USP32: variants seen among roughly 807,000 people sequenced by gnomAD.
USP32 encodes the protein ubiquitin carboxyl-terminal hydrolase 32.
A neutral mutation model predicts 204.8 loss-of-function variants in USP32; 59 were observed. The observed-to-expected ratio is 0.29, with a 90% CI of 0.23 to 0.36. The LOEUF (loss-of-function observed/expected upper bound fraction) is 0.36, where lower values mean the gene tolerates loss of function less well. USP32 is among the 10% of genes least tolerant of loss of function. The probability of loss-of-function intolerance (pLI) is 1.00; values close to 1 mark genes in which losing one functional copy is unlikely to be tolerated. For missense variants in USP32, 1,160 were observed against 1,946.4 expected, an observed-to-expected ratio of 0.60 and a Z score of 7.60; for synonymous variants, 517 against 678.4, an observed-to-expected ratio of 0.76 and a Z score of 3.70.
chr17:60,351,550 C>T (rs890316812), intron 1 of USP32, among the ~76,000 whole-genome samples: 1 of 152,108 alleles, frequency 6.6e-6, no homozygotes, highest in African/African-American at 2.4e-5. Flanking sequence ...TGCCCAGCCT[C>T]CCAAGTAGCT....
Position 60,399,107 on chromosome 17 carries a change from A to G in USP32, c.106+23139T>C, listed in dbSNP as rs369768456. On this transcript the variant is annotated intron_variant, in intron 1 of 3. Coordinates refer to the USP32 transcript ENST00000588898. Reference sequence around the variant, plus strand: ...GGGAAGAGGGCAGGAAGCCTAGGGAATGTGAATCTCGAAAGATAAATAAGA... The same window carrying G: ...GGGAAGAGGGCAGGAAGCCTAGGGAGTGTGAATCTCGAAAGATAAATAAGA... Among the ~76,000 whole-genome samples the G allele has an allele frequency of 9.5e-4, 144 of 152,286 alleles. 1 individual carries two copies. Among genetic ancestry groups the G allele is most frequent in the African/African-American group, 3.2e-3 (135 of 41,570 alleles).
chr17:60,385,778 G>A (rs1487946096), intron 1 of USP32, among the ~76,000 whole-genome samples: 1 of 151,234 alleles, frequency 6.6e-6, no homozygotes, highest in Admixed American at 6.6e-5. Context: ...GGAGGCAGAG[G>A]TTGCAGTGAG....
chr17:60,353,017 T>A (rs1376623677), intron 1 of USP32, among the ~76,000 whole-genome samples: 1 of 152,236 alleles, frequency 6.6e-6, no homozygotes, highest in Non-Finnish European at 1.5e-5. Flanking sequence ...TATATTACAT[T>A]GTATTTACAT....
chr17:60,404,665 C>T (rs539917155), intron 1 of USP32, among the ~76,000 whole-genome samples: 2 of 152,270 alleles, frequency 1.3e-5, no homozygotes, highest in African/African-American at 4.8e-5. Context: ...AAGAGTGCAC[C>T]TCAGCCTCCT....
intron 1 of USP32, among the ~76,000 whole-genome samples, chr17:60,419,820 T>A (rs929963230): frequency 1.9e-3 from 14 of 7,420 alleles, no homozygotes; most frequent in Admixed American, 7.9e-3. Flanking sequence ...TAAAAAAAAT[T>A]ATTATTATTA....
At chr17:60,238,251 CTTTTTG>C (rs2085785293) in intron 11 of USP32, among the ~76,000 whole-genome samples, 1 of 152,078 alleles carries the variant, frequency 6.6e-6, no homozygotes, top group Non-Finnish European at 1.5e-5. Context: ...GGGTTGTTTG[CTTTTTG>C]TTGTTAAGCT....
chr17:60,191,804 T>C (rs1420367696), intron 28 of USP32, among the ~76,000 whole-genome samples: 2 of 151,756 alleles, frequency 1.3e-5, no homozygotes, highest in Non-Finnish European at 2.9e-5. Context: ...CCACCACGCC[T>C]GGCCAATGCC....
upstream of USP32, among the ~76,000 whole-genome samples, chr17:60,395,347 A>G (rs1360284672): frequency 6.6e-6 from 1 of 152,188 alleles, no homozygotes; most frequent in African/African-American, 2.4e-5. Context: ...AAGAAATACT[A>G]TTTCTCCTTT....
At chr17:60,261,742 AC>A (rs2086458963) in intron 9 of USP32, among the ~76,000 whole-genome samples, 1 of 152,196 alleles carries the variant, frequency 6.6e-6, no homozygotes, top group African/African-American at 2.4e-5. Flanking sequence ...TGGTATAAGA[AC>A]CTTTTATATC....
chr17:60,237,683 A>G (rs962902078), intron 11 of USP32, among the ~76,000 whole-genome samples: 14 of 152,316 alleles, frequency 9.2e-5, no homozygotes, highest in Middle Eastern at 3.4e-3. Context: ...GGATGATTCA[A>G]CATATGACCT....
At chr17:60,383,402 A>C (rs904205385) in intron 1 of USP32, among the ~76,000 whole-genome samples, 2 of 152,140 alleles carry the variant, frequency 1.3e-5, no homozygotes, top group Admixed American at 1.3e-4. Context: ...TTATTTATAC[A>C]TTTATACATT....
chr17:60,276,280 C>G (rs1598181476), intron 5 of USP32, among the ~76,000 whole-genome samples: 1 of 151,972 alleles, frequency 6.6e-6, no homozygotes, highest in Non-Finnish European at 1.5e-5. Flanking sequence ...TTTTTTAATG[C>G]TGAAGTATCT....
In USP32 at chr17:60,187,707, A is replaced by T. The variant is rs780370752; in HGVS notation, c.3643-2056T>A. Among the ~76,000 whole-genome samples, 39 of 152,268 alleles carry T rather than the reference A, an allele frequency of 2.6e-4. 1 individual carries two copies. Among genetic ancestry groups the T allele is most frequent in the Non-Finnish European group, 8.8e-5 (6 of 68,048 alleles). ...ACAGGAAAGAAGGCTGATAAAAAAC[A>T]TATTTGTGGACTGTACTGACAATAA... On this transcript the variant is annotated intron_variant, in intron 29 of 33. Coordinates refer to ENST00000300896, the MANE Select transcript of USP32 (RefSeq NM_032582.4).
intron 28 of USP32, among the ~76,000 whole-genome samples, chr17:60,191,882 T>C (rs2084391536): frequency 6.6e-6 from 1 of 152,154 alleles, no homozygotes; most frequent in South Asian, 2.1e-4. Context: ...CATTAGGCAC[T>C]TTCCCTGTTG....
intron 12 of USP32, chr17:60,231,667 C>T (rs2085554619): frequency 4.2e-6 from 2 of 475,324 alleles, no homozygotes; most frequent in Non-Finnish European, 4.3e-6. Context: ...TTTAAAGTAT[C>T]TTCTAGCTCT....
At chr17:60,266,178 A>G in intron 7 of USP32, 87 bp from the exon 8 acceptor site, 6 of 1,000,800 alleles carry the variant, frequency 6.0e-6, no homozygotes, top group Non-Finnish European at 9.2e-6. Context: ...TTGTATAATT[A>G]CTTAGTTTTT....
chr17:60,273,762 C>T (rs1388418673), intron 5 of USP32, among the ~76,000 whole-genome samples: 1 of 151,958 alleles, frequency 6.6e-6, no homozygotes, highest in Non-Finnish European at 1.5e-5. Flanking sequence ...AGTTCGAGAC[C>T]AGCCTGGCCA....
intron 5 of USP32, among the ~76,000 whole-genome samples, chr17:60,272,294 A>G (rs73316900): frequency 0.067 from 10,232 of 152,268 alleles, 1,213 homozygotes; most frequent in African/African-American, 0.23. Flanking sequence ...ACTGACAGAG[A>G]AGATGGAGTA....
At chr17:60,321,871 CTTTT>C (rs61115566) in intron 2 of USP32, among the ~76,000 whole-genome samples, 4 of 139,882 alleles carry the variant, frequency 2.9e-5, no homozygotes, top group Non-Finnish European at 4.7e-5. Flanking sequence ...AATCAGATGG[CTTTT>C]TTTTTTTTTT....
Sources: gnomAD v4.1 joint callset for allele counts (sites outside exome capture counted in the v4.1 genomes callset) on GRCh38, gnomAD v4.1.1 for gene constraint, MANE v1.5 for transcripts, NCBI Gene and HGNC (gene_info 2026-07-23, HGNC 2026-07-21) for gene names.